The following EYS variants were observed in gnomAD, a reference collection of about 807,000 sequenced individuals.
EYS encodes the protein protein eyes shut homolog.
Under a neutral mutation model 282.1 loss-of-function variants are expected in EYS, and 250 were observed. The ratio of observed to expected loss-of-function variants is 0.89; its 90% CI spans 0.80 to 0.98. The LOEUF (loss-of-function observed/expected upper bound fraction) is 0.98, where lower values mean the gene tolerates loss of function less well. Among genes scored for constraint, EYS ranks in the 50% least tolerant of loss-of-function variants. The pLI is 0.00. For missense variants in EYS, 4,016 were observed against 3,709.0 expected, an observed-to-expected ratio of 1.08 and a Z score of -2.15; for synonymous variants, 1,355 against 1,282.9, an observed-to-expected ratio of 1.06 and a Z score of -1.20.
intron 14 of EYS, among the ~76,000 whole-genome samples, chr6:64,954,762 G>T (rs541357819): frequency 6.6e-6 from 1 of 152,212 alleles, no homozygotes; most frequent in African/African-American, 2.4e-5. Context: ...CCTGGCAAGG[G>T]CACCAAATTA....
chr6:64,634,227 C>T (rs1767891099), intron 22 of EYS, among the ~76,000 whole-genome samples: 1 of 152,188 alleles, frequency 6.6e-6, no homozygotes, highest in Non-Finnish European at 1.5e-5. Context: ...CGTGATCCGC[C>T]TGCCTTGGCC....
intron 26 of EYS, among the ~76,000 whole-genome samples, chr6:64,466,237 T>C (rs1275138549): frequency 1.3e-5 from 2 of 152,022 alleles, no homozygotes; most frequent in African/African-American, 4.8e-5. Context: ...AATCTAGCAA[T>C]CCCACTCCTG....
intron 12 of EYS, among the ~76,000 whole-genome samples, chr6:65,125,825 A>C (rs550425040): frequency 6.6e-6 from 1 of 152,186 alleles, no homozygotes; most frequent in East Asian, 1.9e-4. Context: ...TTTTAGGCCA[A>C]TTTAGGAGGC....
chr6:64,736,061 A>G (rs1772174900), intron 22 of EYS, among the ~76,000 whole-genome samples: 1 of 152,078 alleles, frequency 6.6e-6, no homozygotes, highest in African/African-American at 2.4e-5. Context: ...GAAATTCTCA[A>G]GCCCTTTCTA....
At chr6:65,179,694 T>A (rs1765324025) in intron 12 of EYS, among the ~76,000 whole-genome samples, 1 of 152,162 alleles carries the variant, frequency 6.6e-6, no homozygotes, top group South Asian at 2.1e-4. Flanking sequence ...GAATCCTCCC[T>A]AACTCATTTT....
At position 63,864,332 on chromosome 6, in the gene EYS, C is replaced by CACTCACAAA. The variant is rs1372494388; in HGVS notation, c.7073_7081dup (p.Phe2358_Glu2360dup). ...CAGCTTGCCTGAATACAGCCTTGGA[C>CACTCACAAA]ACTCACAAAACAGATTTTCATTATC... On this transcript the variant is annotated inframe_insertion, in exon 36 of 43. Coordinates refer to ENST00000503581, the MANE Select transcript of EYS (RefSeq NM_001142800.2). 3 of 1,551,216 alleles carry CACTCACAAA rather than the reference C, an allele frequency of 1.9e-6. No individual in the cohort carries two copies. Among genetic ancestry groups the CACTCACAAA allele is most frequent in the East Asian group, 4.9e-5 (2 of 40,908 alleles).
At chr6:64,191,877 A>G (rs562263052) in intron 31 of EYS, among the ~76,000 whole-genome samples, 170 of 151,026 alleles carry the variant, frequency 1.1e-3, no homozygotes, top group African/African-American at 3.9e-3. Flanking sequence ...TGGTATTTCT[A>G]GTTCAAGATC....
chr6:65,560,225 T>TAA (rs1768987577), intron 2 of EYS, among the ~76,000 whole-genome samples: 1 of 145,336 alleles, frequency 6.9e-6, no homozygotes, highest in African/African-American at 2.5e-5. Context: ...TAAAATATAA[T>TAA]TATAATATAT....
intron 26 of EYS, among the ~76,000 whole-genome samples, chr6:64,549,975 G>A (rs992074871): frequency 2.6e-4 from 40 of 152,088 alleles, no homozygotes; most frequent in African/African-American, 9.7e-4. Flanking sequence ...CTATGAGGGA[G>A]AACATGCGGT....
chr6:64,967,244 C>A (rs1770126545), intron 14 of EYS, among the ~76,000 whole-genome samples: 1 of 152,050 alleles, frequency 6.6e-6, no homozygotes, highest in Non-Finnish European at 1.5e-5. Flanking sequence ...TAGAAAGACT[C>A]TGCTTATTTT....
chr6:64,679,057 A>G (rs147546922), intron 22 of EYS, among the ~76,000 whole-genome samples: 2 of 152,096 alleles, frequency 1.3e-5, no homozygotes, highest in African/African-American at 4.8e-5. Context: ...TAAAGTTTAT[A>G]TATTCATAAT....
intron 22 of EYS, among the ~76,000 whole-genome samples, chr6:64,783,793 A>G (rs1158772667): frequency 6.6e-6 from 1 of 152,114 alleles, no homozygotes; most frequent in Non-Finnish European, 1.5e-5. Context: ...TAATCATCCA[A>G]ATTTTTTTAA....
intron 32 of EYS, among the ~76,000 whole-genome samples, chr6:64,072,522 G>T (rs1187368360): frequency 6.6e-6 from 1 of 151,720 alleles, no homozygotes; most frequent in Non-Finnish European, 1.5e-5. Context: ...TGGAGTGGAG[G>T]TGAGGTGGTG....
At chr6:64,838,162 C>T (rs1166976277) in intron 19 of EYS, among the ~76,000 whole-genome samples, 1 of 151,696 alleles carries the variant, frequency 6.6e-6, no homozygotes, top group Non-Finnish European at 1.5e-5. Context: ...TGTTTCTGTG[C>T]CATTTAGTTT....
chr6:65,009,016 G>T (rs1192414417), intron 13 of EYS, among the ~76,000 whole-genome samples: 1 of 152,130 alleles, frequency 6.6e-6, no homozygotes, highest in Non-Finnish European at 1.5e-5. Flanking sequence ...CCAATCCCTT[G>T]TTAGGGAGAG....
At chr6:64,635,308 C>A (rs890941106) in intron 22 of EYS, among the ~76,000 whole-genome samples, 30 of 152,120 alleles carry the variant, frequency 2.0e-4, no homozygotes, top group Admixed American at 1.6e-3. Context: ...ATTGAATACC[C>A]TTTATTTCCT....
At chr6:63,946,325 T>G (rs1765395332) in intron 35 of EYS, among the ~76,000 whole-genome samples, 1 of 135,628 alleles carries the variant, frequency 7.4e-6, no homozygotes, top group South Asian at 2.3e-4. Context: ...TCAAATTATC[T>G]GAATGATCAT....
At chr6:64,741,638 C>G (rs1221803160) in intron 22 of EYS, among the ~76,000 whole-genome samples, 2 of 152,220 alleles carry the variant, frequency 1.3e-5, no homozygotes, top group Non-Finnish European at 1.5e-5. Context: ...TTAGCTAGAT[C>G]TTCTAGATAA....
At chr6:65,183,362 A>G (rs960970919) in intron 12 of EYS, among the ~76,000 whole-genome samples, 2 of 152,050 alleles carry the variant, frequency 1.3e-5, no homozygotes, top group Admixed American at 1.3e-4. Context: ...AGGGTGATAC[A>G]CCACAAATTT....
Sources: allele counts gnomAD v4.1 joint callset (sites outside exome capture counted in the v4.1 genomes callset), GRCh38; gene constraint gnomAD v4.1.1; transcripts MANE v1.5; gene names NCBI Gene and HGNC (gene_info 2026-07-23, HGNC 2026-07-21).